The following RPS6KB1 variants were observed in gnomAD, a reference collection of about 807,000 sequenced individuals.
RPS6KB1 encodes ribosomal protein S6 kinase beta-1.
RPS6KB1 carries 12 observed loss-of-function variants against 70.2 expected under a neutral mutation model. The observed-to-expected ratio is 0.17, with a 90% confidence interval of 0.11 to 0.28. RPS6KB1 has a LOEUF of 0.28. RPS6KB1 is among the 10% of genes least tolerant of loss of function. The pLI is 1.00. For missense variants in RPS6KB1, 270 were observed against 646.6 expected (o/e 0.42, Z 6.32); for synonymous variants, 175 against 211.2 (o/e 0.83, Z 1.49).
chr17:59,946,551 C>T lies in RPS6KB1; in HGVS notation c.1341C>T (p.Ser447=), dbSNP rs369106764. The T allele has an allele frequency of 1.2e-6, 2 of 1,612,798 alleles. No individual in the cohort carries two copies. The highest frequency in any genetic ancestry group is 1.3e-5 in the African/African-American group (1 of 74,984). Residue 447 remains serine, a splice_region_variant and synonymous_variant, in exon 15 of 15, where the codon AGC becomes AGT. Coordinates refer to ENST00000225577, the MANE Select transcript of RPS6KB1 (RefSeq NM_003161.4). This position sits in a 1 kb window ranked among gnomAD's most constrained non-coding sequence, Gnocchi z 4.2. ...RFIGSPRTPV[S]PVKFSPGDFW... The stretch of plus-strand genomic sequence containing the variant: ...ATGATAGCTCTTCCTTGTCTTAAAG[C>T]CCAGTCAAATTTTCTCCTGGGGATT...
intron 1 of RPS6KB1, among the ~76,000 whole-genome samples, chr17:59,900,733 T>G (rs1327187618): frequency 1.3e-5 from 2 of 152,192 alleles, no homozygotes; most frequent in Non-Finnish European, 2.9e-5. Context: ...TAGATTGATT[T>G]TAAAGCTATA....
At chr17:59,902,876 T>TCCTC (rs2042040787) in intron 1 of RPS6KB1, among the ~76,000 whole-genome samples, 1 of 152,104 alleles carries the variant, frequency 6.6e-6, no homozygotes, top group Non-Finnish European at 1.5e-5. Context: ...CCTCCTCGCC[T>TCCTC]GGCCTGAATA....
At chr17:59,920,038 G>A (rs2043179900) in intron 4 of RPS6KB1, among the ~76,000 whole-genome samples, 1 of 151,786 alleles carries the variant, frequency 6.6e-6, no homozygotes, top group African/African-American at 2.4e-5. Flanking sequence ...GATGGATTAT[G>A]TGTGTGTTTG....
Position 59,935,263 on chromosome 17 carries a change from C to T in RPS6KB1, c.941C>T (p.Pro314Leu), listed in dbSNP as rs1232388015. ...KILKCKLNLP[P>L]YLTQEARDLL... ...CTCAAATGTAAACTCAATTTGCCTC[C>T]CTACCTCACACAAGAAGCCAGAGAT... The change falls in exon 10 of 15, where the codon CCC (proline) becomes CTC (leucine). Residue 314 changes from proline (P) to leucine (L), a missense_variant. This residue lies in a region of RPS6KB1 where 133 missense variants were observed against 314.7 expected (regional missense o/e 0.42). Coordinates refer to ENST00000225577, the MANE Select transcript of RPS6KB1 (RefSeq NM_003161.4). 6.2e-7 allele frequency: 1 copy of T among 1,611,996 alleles called. No individual in the cohort carries two copies. Among genetic ancestry groups the T allele is most frequent in the Non-Finnish European group, 8.5e-7 (1 of 1,178,446 alleles).
In RPS6KB1 at chr17:59,914,591, G is replaced by A. The variant is rs763720745; in HGVS notation, c.313-44G>A. The A allele has an allele frequency of 3.5e-6, 5 of 1,408,540 alleles. No homozygotes were observed. In the African/African-American group the frequency reaches 5.7e-5, roughly 16 times the overall value. 87.3% of individuals were successfully genotyped at this position (1,408,540 alleles called of 1,614,324 possible). ...AACTAGGAATTAAGGGAGTATGCCTGACATAGTTTGCCTTTGAATAACACA... is the reference window on the plus strand; with the variant it reads ...AACTAGGAATTAAGGGAGTATGCCTAACATAGTTTGCCTTTGAATAACACA... On this transcript the variant is annotated intron_variant, in intron 3 of 14. Coordinates refer to ENST00000225577, the MANE Select transcript of RPS6KB1 (RefSeq NM_003161.4).
At chr17:59,914,774 G>A in intron 4 of RPS6KB1, 71 bp downstream of exon 4, 2 of 1,143,982 alleles carry the variant, frequency 1.7e-6, no homozygotes, top group Non-Finnish European at 2.6e-6. Context: ...AAAAGGCTGG[G>A]AAGCAATCAT....
chr17:59,914,665 A>T lies in RPS6KB1; in HGVS notation c.343A>T (p.Asn115Tyr), dbSNP rs2042837717. 6.2e-7 allele frequency: 1 copy of T among 1,613,152 alleles called. No homozygotes were observed. The highest frequency in any genetic ancestry group is 1.7e-5 in the Admixed American group (1 of 59,688). ...TCAAGTACGAAAAGTAACAGGAGCA[A>T]ATACTGGGAAAATATTTGCCATGAA... ...VFQVRKVTGANTGKIFAMKVL... is the reference protein window; with the variant it reads ...VFQVRKVTGAYTGKIFAMKVL... The change falls in exon 4 of 15, where the codon AAT (asparagine) becomes TAT (tyrosine). Residue 115 changes from asparagine (N) to tyrosine (Y), a missense_variant. Around this residue, in one of 4 missense-constraint regions of RPS6KB1, gnomAD observed 44 missense variants for 102.5 expected, o/e 0.43. Transcript: ENST00000225577.
rs573361338 is a variant in RPS6KB1 at position 59,903,166 on chromosome 17, C to T, written c.142-7396C>T. ...ACTAAAAATACAAAAATTAGCCGGG[C>T]GTGGTGGCGGGTGCCTGTAATCCCA... On this transcript the variant is annotated intron_variant, in intron 1 of 14. Transcript: ENST00000225577. Among the ~76,000 whole-genome samples, 88 of 151,936 alleles carry T rather than the reference C, an allele frequency of 5.8e-4. 3 individuals are homozygous for T. In the South Asian group the frequency reaches 0.016, roughly 28 times the overall value.
chr17:59,907,715 A>T (rs1447294508), intron 1 of RPS6KB1, among the ~76,000 whole-genome samples: 4 of 151,744 alleles, frequency 2.6e-5, no homozygotes, highest in East Asian at 1.9e-4. Flanking sequence ...ATTTTTAAAA[A>T]TTTTTTTGTG....
At chr17:59,940,752 A>G in intron 12 of RPS6KB1, 84 bp from the exon 13 acceptor site, 1 of 778,828 alleles carries the variant, frequency 1.3e-6, no homozygotes, top group Non-Finnish European at 2.0e-6. Flanking sequence ...ACCCCCGTGA[A>G]AAGAGCTCCC....
At chr17:59,929,548 CATTT>C (rs1214610336) in intron 5 of RPS6KB1, among the ~76,000 whole-genome samples, 4 of 152,200 alleles carry the variant, frequency 2.6e-5, no homozygotes, top group African/African-American at 9.6e-5. Flanking sequence ...CCCTTTAAAA[CATTT>C]ATGTATTCAT....
intron 1 of RPS6KB1, among the ~76,000 whole-genome samples, chr17:59,908,136 A>G (rs754338407): frequency 2.0e-5 from 3 of 152,094 alleles, no homozygotes; most frequent in Admixed American, 6.6e-5. Flanking sequence ...TGTGTAAATC[A>G]TTTGATTTAA....
At chr17:59,901,617 C>A (rs1353585249) in intron 1 of RPS6KB1, among the ~76,000 whole-genome samples, 1 of 136,184 alleles carries the variant, frequency 7.3e-6, no homozygotes, top group South Asian at 2.4e-4. Flanking sequence ...TAACAGCACC[C>A]TGTCTCTGAA....
chr17:59,919,712 C>A (rs538945888), intron 4 of RPS6KB1, among the ~76,000 whole-genome samples: 1 of 151,300 alleles, frequency 6.6e-6, no homozygotes, highest in Non-Finnish European at 1.5e-5. Context: ...GTTAGTTCTT[C>A]GACTTAGTAT....
intron 1 of RPS6KB1, among the ~76,000 whole-genome samples, chr17:59,903,697 T>A (rs2042097786): frequency 6.6e-6 from 1 of 152,088 alleles, no homozygotes. Flanking sequence ...TCTCTCATCC[T>A]CCCCCAACTT....
intron 4 of RPS6KB1, among the ~76,000 whole-genome samples, chr17:59,919,961 T>C (rs1275126625): frequency 6.6e-6 from 1 of 152,234 alleles, no homozygotes; most frequent in Non-Finnish European, 1.5e-5. Flanking sequence ...TGCTACATCA[T>C]GGACCATTGC....
chr17:59,906,674 ATTTC>A (rs1045985922), intron 1 of RPS6KB1, among the ~76,000 whole-genome samples: 4 of 150,968 alleles, frequency 2.6e-5, no homozygotes, highest in East Asian at 2.0e-4. Flanking sequence ...GCTCCTTTGC[ATTTC>A]TTTCTTTCTT....
chr17:59,926,127 C>T lies in RPS6KB1; in HGVS notation c.382-308C>T, dbSNP rs1287858331. ...CATTCCTTCTATTCTGCTTTCTTGGCACAGCCTGGAGGATGGTAGACACTC... is the reference window on the plus strand; with the variant it reads ...CATTCCTTCTATTCTGCTTTCTTGGTACAGCCTGGAGGATGGTAGACACTC... On this transcript the variant is annotated intron_variant, in intron 4 of 14. Transcript: ENST00000225577. 3.9e-5 allele frequency among the ~76,000 whole-genome samples: 6 copies of T among 152,260 alleles called. No homozygotes were observed. The East Asian group carries it at 1.2e-3, about 29-fold the overall frequency.
rs2044130222 is a variant in RPS6KB1 at position 59,934,626 on chromosome 17, T to G, written c.870+102T>G. On this transcript the variant is annotated intron_variant, in intron 9 of 14. Coordinates refer to ENST00000225577, the MANE Select transcript of RPS6KB1 (RefSeq NM_003161.4). This position sits in a 1 kb window ranked among gnomAD's most constrained non-coding sequence, Gnocchi z 4.8. The stretch of plus-strand genomic sequence containing the variant: ...TCTGAACATGTTACCAGTGGAGTTT[T>G]CAAAGCCCAAAGATTTGTTATTAGC... 1.2e-6 allele frequency: 1 copy of G among 804,578 alleles called. No individual in the cohort carries two copies. Among genetic ancestry groups the G allele is most frequent in the South Asian group, 1.7e-5 (1 of 59,212 alleles). 49.8% of individuals were successfully genotyped at this position (804,578 alleles called of 1,614,324 possible).
Sources: gnomAD v4.1 joint callset for allele counts (sites outside exome capture counted in the v4.1 genomes callset) on GRCh38, gnomAD v4.1.1 for gene constraint, gnomAD v4.1.1 regional missense constraint, Gnocchi (gnomAD v3.1) non-coding constraint, MANE v1.5 for transcripts, NCBI Gene and HGNC (gene_info 2026-07-23, HGNC 2026-07-21) for gene names.